DPF3: variants seen among roughly 807,000 people sequenced by gnomAD.
DPF3 encodes the protein zinc finger protein DPF3.
DPF3 carries 18 observed loss-of-function variants against 56.8 expected under a neutral mutation model. That is an observed-to-expected ratio of 0.32 (90% CI 0.22 to 0.47). DPF3 has a LOEUF of 0.47. Among genes scored for constraint, DPF3 ranks in the 20% least tolerant of loss-of-function variants. DPF3 has a pLI of 1.00. For missense variants in DPF3, 403 were observed against 488.8 expected, an observed-to-expected ratio of 0.82 and a Z score of 1.65; for synonymous variants, 188 against 180.2, an observed-to-expected ratio of 1.04 and a Z score of -0.35.
chr14:72,890,805 C>T (rs916846173), intron 1 of DPF3, among the ~76,000 whole-genome samples: 2 of 152,144 alleles, frequency 1.3e-5, no homozygotes, highest in East Asian at 1.9e-4. Context: ...GTGGGGGCCA[C>T]CTGCCGTGTC....
intron 8 of DPF3, among the ~76,000 whole-genome samples, chr14:72,632,384 C>T (rs1885218456): frequency 6.6e-6 from 1 of 152,116 alleles, no homozygotes; most frequent in Non-Finnish European, 1.5e-5. Flanking sequence ...TGATATTGTG[C>T]TATAATTACA....
At chr14:72,692,769 G>C (rs1484184268) in intron 7 of DPF3, among the ~76,000 whole-genome samples, 1 of 152,206 alleles carries the variant, frequency 6.6e-6, no homozygotes, top group Non-Finnish European at 1.5e-5. Context: ...TGAGGGAAAA[G>C]AGTTGTAGGT....
chr14:72,678,693 C>T (rs1468982551), intron 7 of DPF3, among the ~76,000 whole-genome samples: 4 of 152,154 alleles, frequency 2.6e-5, no homozygotes, highest in Admixed American at 6.5e-5. Flanking sequence ...AATTGAGTCC[C>T]GCTTTATAGA....
intron 1 of DPF3, among the ~76,000 whole-genome samples, chr14:72,837,430 C>G (rs1454343106): frequency 2.0e-5 from 3 of 151,904 alleles, no homozygotes; most frequent in Non-Finnish European, 4.4e-5. Context: ...TAGTCCCAGC[C>G]CTTAAAGAAC....
intron 1 of DPF3, among the ~76,000 whole-genome samples, chr14:72,820,697 A>G (rs1304037420): frequency 6.6e-6 from 1 of 152,244 alleles, no homozygotes; most frequent in Non-Finnish European, 1.5e-5. Flanking sequence ...TTAGAGATTT[A>G]CAGGCAAGAG....
intron 1 of DPF3, among the ~76,000 whole-genome samples, chr14:72,772,150 G>C (rs1891561609): frequency 6.6e-6 from 1 of 152,224 alleles, no homozygotes; most frequent in African/African-American, 2.4e-5. Context: ...GGGCTTCCAA[G>C]GATGAATCAC....
intron 1 of DPF3, among the ~76,000 whole-genome samples, chr14:72,795,522 C>T (rs1282646049): frequency 6.6e-6 from 1 of 152,090 alleles, no homozygotes; most frequent in Non-Finnish European, 1.5e-5. Flanking sequence ...ATGTCTGGCA[C>T]ACAGTGAATG....
At chr14:72,634,911 T>G (rs1161743026) in intron 8 of DPF3, among the ~76,000 whole-genome samples, 1 of 152,166 alleles carries the variant, frequency 6.6e-6, no homozygotes, top group Non-Finnish European at 1.5e-5. Flanking sequence ...TAGAAAATGG[T>G]GCACTGTGCA....
At chr14:72,836,997 G>C (rs1037393248) in intron 1 of DPF3, among the ~76,000 whole-genome samples, 2 of 152,096 alleles carry the variant, frequency 1.3e-5, no homozygotes, top group Non-Finnish European at 2.9e-5. Flanking sequence ...AGCCTCCTGA[G>C]TAGCTGGAAT....
At chr14:72,672,054 C>G (rs913443670) in intron 8 of DPF3, among the ~76,000 whole-genome samples, 6 of 120,060 alleles carry the variant, frequency 5.0e-5, no homozygotes, top group African/African-American at 1.7e-4. Flanking sequence ...CACACACACA[C>G]ACACAGACAC....
chr14:72,791,283 C>A (rs1335142666), intron 1 of DPF3, among the ~76,000 whole-genome samples: 24 of 152,250 alleles, frequency 1.6e-4, no homozygotes, highest in Admixed American at 1.6e-3. Context: ...CATATGAGTG[C>A]TACATGGCCT....
intron 1 of DPF3, among the ~76,000 whole-genome samples, chr14:72,817,552 T>C (rs1883343817): frequency 6.6e-6 from 1 of 152,184 alleles, no homozygotes; most frequent in Admixed American, 6.5e-5. Context: ...CGCAAGCCGG[T>C]AGTCCCAGCT....
At chr14:72,672,161 G>A (rs1014108632) in intron 8 of DPF3, among the ~76,000 whole-genome samples, 5 of 152,034 alleles carry the variant, frequency 3.3e-5, no homozygotes, top group African/African-American at 1.2e-4. Context: ...CACTACAAAG[G>A]TGAGAAATAG....
At chr14:72,792,422 A>G (rs1265723917) in intron 1 of DPF3, among the ~76,000 whole-genome samples, 1 of 150,134 alleles carries the variant, frequency 6.7e-6, no homozygotes, top group Non-Finnish European at 1.5e-5. Flanking sequence ...AAAAAAGAAA[A>G]GAAAAAAAGA....
At chr14:72,676,503 A>T (rs1180551482) in intron 7 of DPF3, among the ~76,000 whole-genome samples, 1 of 152,208 alleles carries the variant, frequency 6.6e-6, no homozygotes, top group African/African-American at 2.4e-5. Flanking sequence ...TTAATTCTTG[A>T]TATGGTTTGG....
chr14:72,644,226 C>T (rs943622133), intron 8 of DPF3, among the ~76,000 whole-genome samples: 2 of 152,164 alleles, frequency 1.3e-5, no homozygotes, highest in Non-Finnish European at 2.9e-5. Flanking sequence ...CAACAAAACC[C>T]GGCACCATCT....
At chr14:72,768,933 CTGTGTGTGT>C (rs1020352440) in intron 2 of DPF3, among the ~76,000 whole-genome samples, 18 of 146,398 alleles carry the variant, frequency 1.2e-4, no homozygotes, top group African/African-American at 4.6e-4. Context: ...GTGTGAGTGT[CTGTGTGTGT>C]GTGTGTGTGT....
Position 72,687,522 on chromosome 14 carries a change from C to T in DPF3, c.742+5554G>A, listed in dbSNP as rs1003262945. 5.3e-5 allele frequency among the ~76,000 whole-genome samples: 8 copies of T among 152,160 alleles called. No homozygotes were observed. The South Asian group carries it at 6.2e-4, about 12-fold the overall frequency. ...AGACTACACAGAGGGGCATAGAAGA[C>T]GCTTCCCACTGTGGCCCCTGATTAC... On this transcript the variant is annotated intron_variant, in intron 7 of 10. Transcript: ENST00000556509.
intron 8 of DPF3, among the ~76,000 whole-genome samples, chr14:72,657,571 C>T (rs1276964201): frequency 6.6e-6 from 1 of 152,130 alleles, no homozygotes; most frequent in Non-Finnish European, 1.5e-5. Context: ...TAGCCTTTCA[C>T]CTGGTAATGT....
Sources: gnomAD v4.1 joint callset for allele counts (sites outside exome capture counted in the v4.1 genomes callset) on GRCh38, gnomAD v4.1.1 for gene constraint, MANE v1.5 for transcripts, NCBI Gene and HGNC (gene_info 2026-07-23, HGNC 2026-07-21) for gene names.